The following EIF4A1 variants were observed in gnomAD, a reference collection of about 807,000 sequenced individuals.
EIF4A1 encodes the protein eukaryotic initiation factor 4A-I.
A neutral mutation model predicts 53.5 loss-of-function variants in EIF4A1; 11 were observed. The ratio of observed to expected loss-of-function variants is 0.21; its 90% CI spans 0.13 to 0.34. The LOEUF (loss-of-function observed/expected upper bound fraction) is 0.34. EIF4A1 is among the 10% of genes least tolerant of loss of function. The pLI, the probability that EIF4A1 is intolerant of heterozygous loss-of-function variation, is 1.00. For missense variants in EIF4A1, 213 were observed against 530.8 expected, an observed-to-expected ratio of 0.40 and a Z score of 5.88; for synonymous variants, 237 against 186.7, an observed-to-expected ratio of 1.27 and a Z score of -2.20.
At chr17:7,574,161 T>C in intron 1 of EIF4A1, 99 bp from the exon 2 acceptor site, 1 of 1,402,276 alleles carries the variant, frequency 7.1e-7, no homozygotes, top group South Asian at 1.2e-5. Context: ...GACAGCAGAT[T>C]GATGGCATCA....
chr17:7,576,782 G>C (rs948655413), intron 5 of EIF4A1, 90 bp downstream of exon 5: 7 of 1,550,294 alleles, frequency 4.5e-6, no homozygotes, highest in African/African-American at 1.4e-5. Flanking sequence ...CATTCCCAAG[G>C]ATGCTGGTTT....
At position 7,578,316 on chromosome 17, in the gene EIF4A1, T is replaced by C. The variant is rs141034961; in HGVS notation, c.1077-26T>C. 939 of 1,613,160 alleles carry C rather than the reference T, an allele frequency of 5.8e-4. 4 individuals carry two copies. In the African/African-American group the frequency reaches 0.011, roughly 19 times the overall value. On this transcript the variant is annotated intron_variant, in intron 10 of 10. Coordinates refer to ENST00000293831, the MANE Select transcript of EIF4A1 (RefSeq NM_001416.4). ...TCCCTGGGCTTAAAGCTCCTGATAT[T>C]CCTCATCCCCTTCCTTGTTTTCCAG...
chr17:7,574,981 C>A, intron 3 of EIF4A1, 138 bp from the exon 4 acceptor site: 2 of 1,236,694 alleles, frequency 1.6e-6, no homozygotes, highest in South Asian at 1.3e-5. Context: ...CATTGTGTAA[C>A]TGTGTTGATT....
In EIF4A1 at chr17:7,577,901, T is replaced by A; in HGVS notation, c.981T>A (p.Ile327=). 1 of 1,614,196 alleles carries A rather than the reference T, an allele frequency of 6.2e-7. No homozygotes were observed. The highest frequency in any genetic ancestry group is 8.5e-7 in the Non-Finnish European group (1 of 1,180,038). ...GTTCTGGCTCTAGCAGAGTTTTGATTACCACTGACCTGCTGGTGAGTAGAG... is the reference window on the plus strand; with the variant it reads ...GTTCTGGCTCTAGCAGAGTTTTGATAACCACTGACCTGCTGGTGAGTAGAG... ...EFRSGSSRVL[I]TTDLLARGID... is the part of the protein sequence containing the mutation. The change falls in exon 9 of 11, where the codon ATT becomes ATA. Residue 327 remains isoleucine (I), a synonymous_variant. Coordinates refer to ENST00000293831, the MANE Select transcript of EIF4A1 (RefSeq NM_001416.4). The surrounding 1 kb of genome is among the most constrained non-coding windows in gnomAD (Gnocchi z 4.7).
chr17:7,575,002 T>C, intron 3 of EIF4A1, 117 bp from the exon 4 acceptor site: 1 of 1,403,172 alleles, frequency 7.1e-7, no homozygotes, highest in Non-Finnish European at 9.8e-7. Flanking sequence ...GGGAAGGTAG[T>C]TTGTGAGCCA....
intron 1 of EIF4A1, 139 bp from the exon 2 acceptor site, chr17:7,574,121 T>A: frequency 8.3e-6 from 8 of 958,572 alleles, no homozygotes; most frequent in Non-Finnish European, 1.3e-5. Flanking sequence ...CTTTGGGTAT[T>A]TTTTGGGAGC....
chr17:7,578,339 C>T lies in EIF4A1; in HGVS notation c.1077-3C>T, dbSNP rs2071431810. ...ATTCCTCATCCCCTTCCTTGTTTTCCAGAATCGGTCGAGGTGGACGGTTTG... is the reference window on the plus strand; with the variant it reads ...ATTCCTCATCCCCTTCCTTGTTTTCTAGAATCGGTCGAGGTGGACGGTTTG... On this transcript the variant is annotated splice_polypyrimidine_tract_variant and splice_region_variant and intron_variant, in intron 10 of 10. Transcript: ENST00000293831. The T allele has an allele frequency of 6.2e-7, 1 of 1,612,302 alleles. No individual in the cohort carries two copies. The highest frequency in any genetic ancestry group is 1.7e-5 in the Admixed American group (1 of 59,878).
chr17:7,577,809 A>G lies in EIF4A1; in HGVS notation c.907-18A>G, dbSNP rs2071422006. 1.9e-6 allele frequency: 3 copies of G among 1,614,054 alleles called. No individual in the cohort carries two copies. The highest frequency in any genetic ancestry group is 1.6e-4 in the Middle Eastern group (1 of 6,062). On this transcript the variant is annotated intron_variant, in intron 8 of 10. Coordinates refer to ENST00000293831, the MANE Select transcript of EIF4A1 (RefSeq NM_001416.4). The surrounding 1 kb of genome is among the most constrained non-coding windows in gnomAD (Gnocchi z 4.7). ...CAGGTGCCTACCTGGTCTGCTGCAT[A>G]TTTGTTTTCTCTTCCAGCATGGAGA...
chr17:7,573,970 A>G (rs1276835229), intron 1 of EIF4A1: 2 of 425,146 alleles, frequency 4.7e-6, no homozygotes, highest in East Asian at 8.1e-5. Context: ...CCCGGCGGCA[A>G]GCACCACCTC....
At chr17:7,574,722 C>T (rs1370602630) in intron 3 of EIF4A1, 44 bp downstream of exon 3, 2 of 1,610,458 alleles carry the variant, frequency 1.2e-6, no homozygotes, top group African/African-American at 1.3e-5. Context: ...CTGTCCCTGA[C>T]CTGGGTAGAG....
At chr17:7,574,136 G>T in intron 1 of EIF4A1, 124 bp from the exon 2 acceptor site, 2 of 1,083,244 alleles carry the variant, frequency 1.8e-6, no homozygotes, top group Admixed American at 2.2e-5. Flanking sequence ...GGGAGCTGGT[G>T]GGAGTTGGAT....
chr17:7,574,593 G>A lies in EIF4A1; in HGVS notation c.120G>A (p.Ser40=), dbSNP rs768242162. 10 of 1,612,188 alleles carry A rather than the reference G, an allele frequency of 6.2e-6. No homozygotes were observed. The highest frequency in any genetic ancestry group is 2.2e-5 in the South Asian group (2 of 90,986). The change falls in exon 3 of 11, where the codon TCG becomes TCA. Residue 40 remains serine, a synonymous_variant. Coordinates refer to ENST00000293831, the MANE Select transcript of EIF4A1 (RefSeq NM_001416.4). The part of the protein sequence containing the change: ...IVDSFDDMNL[S]ESLLRGIYAY... The stretch of plus-strand genomic sequence containing the variant: ...ACAGCTTTGATGACATGAACCTCTC[G>A]GAGTCCCTTCTCCGTGGCATCTACG...
At position 7,572,869 on chromosome 17, in the gene EIF4A1, G is replaced by A; in HGVS notation, c.23+5G>A. 2 of 1,614,176 alleles carry A rather than the reference G, an allele frequency of 1.2e-6. No homozygotes were observed. The highest frequency in any genetic ancestry group is 1.7e-6 in the Non-Finnish European group (2 of 1,179,970). On this transcript the variant is annotated splice_donor_5th_base_variant and intron_variant, in intron 1 of 10. Coordinates refer to ENST00000293831, the MANE Select transcript of EIF4A1 (RefSeq NM_001416.4). ...GTCTGCGAGCCAGGATTCCCGGTAA[G>A]AAAGGCATTTGCAAGAGATTGTGGC... is the stretch of plus-strand genomic sequence containing the variant.
In EIF4A1 at chr17:7,574,617, C is replaced by T. The variant is rs141818062; in HGVS notation, c.144C>T (p.Tyr48=). ...NLSESLLRGI[Y]AYGFEKPSAI... ...CGGAGTCCCTTCTCCGTGGCATCTA[C>T]GCGTATGGTTTTGAGAAGCCCTCTG... The change falls in exon 3 of 11, where the codon TAC becomes TAT. Residue 48 remains tyrosine (Y), a synonymous_variant. Transcript: ENST00000293831. The T allele has an allele frequency of 2.4e-5, 39 of 1,612,230 alleles. No individual in the cohort carries two copies. The highest frequency in any genetic ancestry group is 4.4e-4 in the Middle Eastern group (2 of 4,528).
At chr17:7,576,853 TCCCTGCCAGTGCAG>T (rs753754200) in intron 5 of EIF4A1, 161 bp downstream of exon 5, 1 of 1,406,846 alleles carries the variant, frequency 7.1e-7, no homozygotes, top group Non-Finnish European at 1.0e-6. Flanking sequence ...GCCTCTGGCT[TCCCTGCCAGTGCAG>T]CCCTGGCAGT....
intron 1 of EIF4A1, 169 bp from the exon 2 acceptor site, chr17:7,574,091 C>T: frequency 1.4e-6 from 1 of 731,824 alleles, no homozygotes; most frequent in South Asian, 1.8e-5. Context: ...GCAAATGCCT[C>T]AGTTTTATAG....
At chr17:7,576,836 C>A in intron 5 of EIF4A1, 144 bp downstream of exon 5, 1 of 1,464,540 alleles carries the variant, frequency 6.8e-7, no homozygotes, top group Non-Finnish European at 9.5e-7. Context: ...CCATGCGTGT[C>A]ATCTGAGCCT....
rs2071434374 is a variant in EIF4A1, at chr17:7,578,548, G to GA, written c.*63dup. ...ATCTCTGGGGGCTGAGGAGCAGCAGGAGGGGGGAGGGAAGGGAGCCAAGGG... is the reference window on the plus strand; with the variant it reads ...ATCTCTGGGGGCTGAGGAGCAGCAGGAAGGGGGGAGGGAAGGGAGCCAAGGG... On this transcript the variant is annotated 3_prime_UTR_variant, in exon 11 of 11. Transcript: ENST00000293831. 2.2e-5 allele frequency: 32 copies of GA among 1,487,890 alleles called. 1 individual carries two copies. The South Asian group carries it at 3.9e-4, about 18-fold the overall frequency. The allele number at this position is 1,487,890 out of a possible 1,614,324, so 92.2% of individuals were successfully genotyped here.
rs542025962 is a variant in EIF4A1 at position 7,572,825 on chromosome 17, C to T, written c.-17C>T. 73 of 1,614,028 alleles carry T rather than the reference C, an allele frequency of 4.5e-5. 1 individual carries two copies. The highest frequency in any genetic ancestry group is 3.0e-4 in the South Asian group (27 of 91,092). On this transcript the variant is annotated 5_prime_UTR_variant, in exon 1 of 11. Transcript: ENST00000293831. The stretch of plus-strand genomic sequence containing the variant: ...AGTTGTCGATAGGCGGGCACTCCGC[C>T]CTAGTTTCTAAGGATCATGTCTGCG...
Sources: allele counts gnomAD v4.1 joint callset, GRCh38; gene constraint gnomAD v4.1.1; non-coding constraint Gnocchi (gnomAD v3.1); transcripts MANE v1.5; gene names NCBI Gene and HGNC (gene_info 2026-07-23, HGNC 2026-07-21).